AMPH: variants seen among roughly 807,000 people sequenced by gnomAD.
The protein encoded by AMPH is amphiphysin, also known as amphiphysin (Stiff-Mann syndrome with breast cancer 128kD autoantigen).
In AMPH, 49 loss-of-function variants were observed where a neutral mutation model predicts 99.1. The observed-to-expected ratio is 0.49, with a 90% CI of 0.39 to 0.63. The LOEUF is 0.63. AMPH is among the 20% of genes least tolerant of loss of function. The pLI, the probability that AMPH is intolerant of heterozygous loss-of-function variation, is 0.00. For synonymous variants in AMPH, 314 were observed against 317.3 expected, an observed-to-expected ratio of 0.99 and a Z score of 0.11; for missense variants, 759 against 863.4, an observed-to-expected ratio of 0.88 and a Z score of 1.52.
At chr7:38,433,857 A>G (rs952455758) in intron 12 of AMPH, among the ~76,000 whole-genome samples, 1 of 152,084 alleles carries the variant, frequency 6.6e-6, no homozygotes, top group African/African-American at 2.4e-5. Flanking sequence ...ATCAGTCCTC[A>G]GGATCATGAA....
intron 1 of AMPH, among the ~76,000 whole-genome samples, chr7:38,581,723 G>C (rs964687459): frequency 1.3e-5 from 2 of 152,138 alleles, no homozygotes; most frequent in Non-Finnish European, 2.9e-5. Context: ...TAGTAGTGGA[G>C]GTGTAAAAAT....
chr7:38,483,107 A>G (rs937372973), intron 5 of AMPH, among the ~76,000 whole-genome samples: 1 of 152,220 alleles, frequency 6.6e-6, no homozygotes, highest in Middle Eastern at 3.4e-3. Flanking sequence ...TTCTCAGTGA[A>G]GAGTGAAGAA....
At chr7:38,416,143 G>C (rs1785380736) in intron 17 of AMPH, among the ~76,000 whole-genome samples, 1 of 91,158 alleles carries the variant, frequency 1.1e-5, no homozygotes, top group Non-Finnish European at 2.4e-5. Flanking sequence ...TTACATAGTA[G>C]GTACTTAATA....
intron 1 of AMPH, among the ~76,000 whole-genome samples, chr7:38,604,148 C>A (rs1280366258): frequency 1.3e-5 from 2 of 152,230 alleles, no homozygotes; most frequent in East Asian, 3.9e-4. Flanking sequence ...AAAACCACAT[C>A]TGGGGAAGAT....
chr7:38,413,585 G>A (rs1406258786), intron 17 of AMPH, among the ~76,000 whole-genome samples: 4 of 152,074 alleles, frequency 2.6e-5, no homozygotes, highest in Admixed American at 2.6e-4. Flanking sequence ...CATTGAAAAT[G>A]TAACTATTTG....
intron 1 of AMPH, among the ~76,000 whole-genome samples, chr7:38,566,252 T>C (rs1791739319): frequency 6.6e-6 from 1 of 152,144 alleles, no homozygotes; most frequent in Non-Finnish European, 1.5e-5. Flanking sequence ...TGTCAGGCTA[T>C]CAAGGAGCTC....
chr7:38,406,060 G>A (rs961228185), intron 17 of AMPH, among the ~76,000 whole-genome samples: 1 of 151,906 alleles, frequency 6.6e-6, no homozygotes, highest in Admixed American at 6.6e-5. Context: ...ATAAATACCA[G>A]GAGAAACTCT....
chr7:38,391,663 A>C (rs1489655399), intron 19 of AMPH, 85 bp downstream of exon 19: 45 of 1,426,792 alleles, frequency 3.2e-5, no homozygotes, highest in Non-Finnish European at 4.1e-5. Flanking sequence ...GCAAAAAGTA[A>C]AAGTAAAAAC....
intron 1 of AMPH, among the ~76,000 whole-genome samples, chr7:38,582,707 T>G (rs1048288113): frequency 1.3e-5 from 2 of 152,194 alleles, no homozygotes; most frequent in African/African-American, 4.8e-5. Flanking sequence ...AGTTTGAGAA[T>G]GGCTGAGTAG....
chr7:38,565,145 G>T (rs896160645), intron 1 of AMPH, among the ~76,000 whole-genome samples: 7 of 148,824 alleles, frequency 4.7e-5, no homozygotes, highest in African/African-American at 1.7e-4. Flanking sequence ...AAAAAGAAAA[G>T]AACCTTCCTG....
intron 1 of AMPH, among the ~76,000 whole-genome samples, chr7:38,607,467 C>T (rs558398286): frequency 5.3e-5 from 8 of 152,194 alleles, no homozygotes; most frequent in Non-Finnish European, 1.2e-4. Context: ...AAGGTAAATA[C>T]CCTTTATGAT....
At chr7:38,397,122 A>C (rs1234962581) in intron 17 of AMPH, among the ~76,000 whole-genome samples, 2 of 152,232 alleles carry the variant, frequency 1.3e-5, no homozygotes, top group East Asian at 3.8e-4. Flanking sequence ...CATGCAGCAG[A>C]GGCACTGCTA....
At chr7:38,505,323 T>C (rs1419453963) in intron 2 of AMPH, among the ~76,000 whole-genome samples, 1 of 152,056 alleles carries the variant, frequency 6.6e-6, no homozygotes, top group Admixed American at 6.5e-5. Context: ...AACACTCAGG[T>C]GAGGTATTCT....
intron 1 of AMPH, among the ~76,000 whole-genome samples, chr7:38,547,193 C>A (rs887211545): frequency 6.6e-6 from 1 of 152,146 alleles, no homozygotes; most frequent in African/African-American, 2.4e-5. Flanking sequence ...TCCCCAGCAG[C>A]CTCCACTGCC....
At chr7:38,467,561 T>C (rs1787705781) in intron 7 of AMPH, among the ~76,000 whole-genome samples, 1 of 151,994 alleles carries the variant, frequency 6.6e-6, no homozygotes, top group Non-Finnish European at 1.5e-5. Context: ...CAGTGGTAGG[T>C]GAACATGTCT....
intron 7 of AMPH, among the ~76,000 whole-genome samples, chr7:38,472,160 T>A (rs1787910501): frequency 6.6e-6 from 1 of 152,126 alleles, no homozygotes; most frequent in Admixed American, 6.5e-5. Context: ...TTATAAATAG[T>A]TTGATGCATT....
At chr7:38,557,793 T>C (rs1158165538) in intron 1 of AMPH, among the ~76,000 whole-genome samples, 1 of 151,936 alleles carries the variant, frequency 6.6e-6, no homozygotes, top group Admixed American at 6.6e-5. Flanking sequence ...TTTTAAATAG[T>C]AATTCATCCC....
At chr7:38,506,087 G>T (rs1029477305) in intron 2 of AMPH, among the ~76,000 whole-genome samples, 3 of 152,156 alleles carry the variant, frequency 2.0e-5, no homozygotes, top group Admixed American at 2.0e-4. Context: ...TACAGAATTT[G>T]TTTCTTCAAT....
intron 11 of AMPH, among the ~76,000 whole-genome samples, chr7:38,449,085 A>T (rs1584106499): frequency 6.6e-6 from 1 of 152,142 alleles, no homozygotes; most frequent in Admixed American, 6.5e-5. Context: ...AAGACAGATG[A>T]CTAAACTGGT....
Sources: allele counts gnomAD v4.1 joint callset (sites outside exome capture counted in the v4.1 genomes callset), GRCh38; gene constraint gnomAD v4.1.1; transcripts MANE v1.5; gene names NCBI Gene and HGNC (gene_info 2026-07-23, HGNC 2026-07-21).